MLLT10: variants seen among roughly 807,000 people sequenced by gnomAD.
MLLT10 encodes the protein MLLT10 histone lysine methyltransferase DOT1L cofactor.
In MLLT10, 30 loss-of-function variants were observed where a neutral mutation model predicts 129.1. That is an observed-to-expected ratio of 0.23 (90% confidence interval 0.17 to 0.32). MLLT10 has a LOEUF of 0.32. MLLT10 is among the 10% of genes least tolerant of loss of function. The pLI is 1.00. For missense variants in MLLT10, 1,119 were observed against 1,268.3 expected, an observed-to-expected ratio of 0.88 and a Z score of 1.79; for synonymous variants, 490 against 446.4, an observed-to-expected ratio of 1.10 and a Z score of -1.23.
At chr10:21,731,303 C>T (rs1032534757) in intron 17 of MLLT10, among the ~76,000 whole-genome samples, 1 of 152,034 alleles carries the variant, frequency 6.6e-6, no homozygotes, top group South Asian at 2.1e-4. Flanking sequence ...TTTTAAAGTT[C>T]TTTAATCTCC....
At chr10:21,655,775 G>A (rs904144831) in intron 9 of MLLT10, among the ~76,000 whole-genome samples, 2 of 152,186 alleles carry the variant, frequency 1.3e-5, no homozygotes, top group Non-Finnish European at 2.9e-5. Flanking sequence ...TGGGAGCAAA[G>A]TAACGTTGAG....
At chr10:21,538,127 G>C (rs998024715) in intron 2 of MLLT10, among the ~76,000 whole-genome samples, 3 of 148,276 alleles carry the variant, frequency 2.0e-5, no homozygotes, top group African/African-American at 7.5e-5. Flanking sequence ...AGCTGGGACT[G>C]TAGGCACATG....
At chr10:21,536,011 T>A (rs2033924222) in intron 2 of MLLT10, among the ~76,000 whole-genome samples, 1 of 152,238 alleles carries the variant, frequency 6.6e-6, no homozygotes, top group Non-Finnish European at 1.5e-5. Context: ...CCATCTCAGC[T>A]TACTGCAACC....
chr10:21,735,484 G>A (rs559797141), intron 21 of MLLT10, among the ~76,000 whole-genome samples: 4 of 152,298 alleles, frequency 2.6e-5, no homozygotes, highest in Admixed American at 1.3e-4. Flanking sequence ...GATGTGGTGC[G>A]TGTTTTCCCG....
chr10:21,604,200 C>G (rs1302221714), intron 5 of MLLT10, among the ~76,000 whole-genome samples: 2 of 152,186 alleles, frequency 1.3e-5, no homozygotes, highest in Non-Finnish European at 2.9e-5. Context: ...AAGTAAGTCT[C>G]ACATCTTACC....
chr10:21,682,855 G>A (rs546312841), intron 13 of MLLT10, among the ~76,000 whole-genome samples: 14 of 152,218 alleles, frequency 9.2e-5, no homozygotes, highest in African/African-American at 3.4e-4. Flanking sequence ...ATGTTTGAAG[G>A]TTTCTTCAGT....
intron 13 of MLLT10, among the ~76,000 whole-genome samples, chr10:21,684,315 A>C (rs1384842779): frequency 6.6e-6 from 1 of 152,120 alleles, no homozygotes; most frequent in African/African-American, 2.4e-5. Context: ...TTCAAGTATC[A>C]CCTATCACCT....
At chr10:21,628,554 G>T (rs1021496536) in intron 8 of MLLT10, among the ~76,000 whole-genome samples, 2 of 146,596 alleles carry the variant, frequency 1.4e-5, no homozygotes, top group Non-Finnish European at 3.0e-5. Context: ...CAGTTCTCCC[G>T]CCTCAGCCTC....
At chr10:21,688,374 G>A (rs189575235) in intron 13 of MLLT10, 3 of 788,368 alleles carry the variant, frequency 3.8e-6, no homozygotes, top group Middle Eastern at 2.4e-4. Flanking sequence ...TAACCCTGAT[G>A]ATCCACCCCC....
rs2057917718 is a variant in MLLT10 at position 21,730,913 on chromosome 10, A to G, written c.2077A>G (p.Ser693Gly). 2.5e-6 allele frequency: 4 copies of G among 1,614,156 alleles called. No homozygotes were observed. Among genetic ancestry groups the G allele is most frequent in the Non-Finnish European group, 3.4e-6 (4 of 1,179,994 alleles). Residue 693 changes from serine to glycine, a missense_variant, in exon 17 of 23, where the codon AGC (serine) becomes GGC (glycine). Coordinates refer to ENST00000307729, the MANE Select transcript of MLLT10 (RefSeq NM_001195626.3). ...TGTTTTCAACAGATCCCCTGTAAGC[A>G]GCTTACAGATTCGCTATGATCAACC... is the stretch of plus-strand genomic sequence containing the variant. Reference protein sequence around the residue: ...GSLSPRSPVSSLQIRYDQPGN... With the variant: ...GSLSPRSPVSGLQIRYDQPGN...
At chr10:21,635,034 G>A (rs1473859152) in intron 8 of MLLT10, among the ~76,000 whole-genome samples, 1 of 152,170 alleles carries the variant, frequency 6.6e-6, no homozygotes, top group African/African-American at 2.4e-5. Flanking sequence ...TACTTGGAGT[G>A]TGTCTCTGTC....
intron 5 of MLLT10, among the ~76,000 whole-genome samples, chr10:21,596,384 A>G (rs1187321546): frequency 1.3e-5 from 2 of 152,166 alleles, no homozygotes; most frequent in African/African-American, 2.4e-5. Flanking sequence ...AAAACATGAG[A>G]TTCAACAAAC....
intron 3 of MLLT10, chr10:21,541,485 A>T (rs780092318): frequency 2.0e-5 from 3 of 152,242 alleles, no homozygotes; most frequent in Non-Finnish European, 2.9e-5. Flanking sequence ...TCCTGGATTC[A>T]AACGATTCTC....
intron 8 of MLLT10, among the ~76,000 whole-genome samples, chr10:21,640,409 C>A (rs1431412853): frequency 6.7e-6 from 1 of 150,330 alleles, no homozygotes; most frequent in African/African-American, 2.4e-5. Context: ...AGAAGTCTAT[C>A]ATTTGATCTT....
intron 16 of MLLT10, among the ~76,000 whole-genome samples, chr10:21,729,305 TAAGA>T (rs1251524157): frequency 6.6e-6 from 1 of 152,244 alleles, no homozygotes; most frequent in Non-Finnish European, 1.5e-5. Context: ...CGAGAATTAT[TAAGA>T]AAGTGCTATT....
intron 13 of MLLT10, among the ~76,000 whole-genome samples, chr10:21,682,578 T>C (rs552451750): frequency 1.8e-4 from 27 of 152,282 alleles, no homozygotes; most frequent in African/African-American, 6.5e-4. Context: ...TGCAGGTAAT[T>C]ATTGGTACCT....
chr10:21,552,388 C>CTTTTTTTTTTTTT (rs1225893534), intron 3 of MLLT10, among the ~76,000 whole-genome samples: 1 of 112,094 alleles, frequency 8.9e-6, no homozygotes, highest in African/African-American at 3.5e-5. Flanking sequence ...CTTCTTATTG[C>CTTTTTTTTTTTTT]TTTTTTTTTT....
At chr10:21,606,415 A>C (rs1326436175) in intron 5 of MLLT10, among the ~76,000 whole-genome samples, 3 of 152,236 alleles carry the variant, frequency 2.0e-5, no homozygotes, top group Non-Finnish European at 2.9e-5. Flanking sequence ...TATGGCTGCT[A>C]TACAGAGGAT....
chr10:21,607,608 A>ACC (rs2044194072), intron 5 of MLLT10, among the ~76,000 whole-genome samples: 1 of 152,260 alleles, frequency 6.6e-6, no homozygotes, highest in African/African-American at 2.4e-5. Flanking sequence ...GGCGTGAGCC[A>ACC]CCCCTGGCTA....
Sources: allele counts gnomAD v4.1 joint callset (sites outside exome capture counted in the v4.1 genomes callset), GRCh38; gene constraint gnomAD v4.1.1; transcripts MANE v1.5; gene names NCBI Gene and HGNC (gene_info 2026-07-23, HGNC 2026-07-21).